SYT2: variants seen among roughly 807,000 people sequenced by gnomAD.
SYT2 encodes synaptotagmin 2, also known as synaptotagmin-2.
Under a neutral mutation model 39.9 loss-of-function variants are expected in SYT2, and 15 were observed. The observed-to-expected ratio is 0.38, with a 90% CI of 0.25 to 0.58. The LOEUF (loss-of-function observed/expected upper bound fraction) is 0.58, where lower values mean the gene tolerates loss of function less well. Among genes scored for constraint, SYT2 ranks in the 20% least tolerant of loss-of-function variants. The pLI is 0.70. For missense variants in SYT2, 389 were observed against 530.3 expected (o/e 0.73, Z 2.62); for synonymous variants, 181 against 204.5 (o/e 0.89, Z 0.98).
rs766294407 is a variant in SYT2 at position 202,614,359 on chromosome 1, G to A, written c.-17-8570C>T. Among the ~76,000 whole-genome samples the A allele has an allele frequency of 1.8e-4, 28 of 152,136 alleles. No homozygotes were observed. Among genetic ancestry groups the A allele is most frequent in the Non-Finnish European group, 4.4e-5 (3 of 68,026 alleles). The stretch of plus-strand genomic sequence containing the variant: ...GGGGTTTGTGAAGTTAGCTCCATGG[G>A]GAGTGGAGCAGGGAGGTTGGTTCCA... On this transcript the variant is annotated intron_variant, in intron 1 of 8. Transcript: ENST00000367268. This position sits in a 1 kb window ranked among gnomAD's most constrained non-coding sequence, Gnocchi z 4.0.
At chr1:202,600,277 C>T in intron 7 of SYT2, 80 bp downstream of exon 7, 1 of 1,189,180 alleles carries the variant, frequency 8.4e-7, no homozygotes, top group South Asian at 1.3e-5. Context: ...TTCCTCTTCA[C>T]TGGAGTGTGC....
intron 1 of SYT2, among the ~76,000 whole-genome samples, chr1:202,667,780 T>C (rs1298065822): frequency 6.6e-6 from 1 of 152,168 alleles, no homozygotes; most frequent in Admixed American, 6.5e-5. Flanking sequence ...TGGCATGATC[T>C]TGGCTCATTG....
intron 1 of SYT2, among the ~76,000 whole-genome samples, chr1:202,660,557 T>G (rs144372944): frequency 6.6e-6 from 1 of 152,238 alleles, no homozygotes; most frequent in Non-Finnish European, 1.5e-5. Flanking sequence ...CCAGAGATTT[T>G]GATTCAGCAA....
At chr1:202,626,672 A>G (rs955925811) in intron 1 of SYT2, among the ~76,000 whole-genome samples, 26 of 151,990 alleles carry the variant, frequency 1.7e-4, no homozygotes, top group African/African-American at 6.3e-4. Flanking sequence ...CAGCCTAGAT[A>G]GCCTCTCAGC....
At position 202,601,903 on chromosome 1, in the gene SYT2, C is replaced by G; in HGVS notation, c.788G>C (p.Gly263Ala). 1 of 1,613,914 alleles carries G rather than the reference C, an allele frequency of 6.2e-7. No individual in the cohort carries two copies. The highest frequency in any genetic ancestry group is 8.5e-7 in the Non-Finnish European group (1 of 1,179,918). ...PIEEWRDLQG[G>A]EKEEPEKLGD... ...CTCTGCTCTTACCTCCTCCTTTTCC[C>G]CGCCTTGCAGGTCTCTCCACTCCTC... Residue 263 changes from glycine (G) to alanine (A), a missense_variant, in exon 6 of 9, where the codon GGG becomes GCG. Gly to Ala is a moderately conservative substitution (Grantham distance 60). Around this residue, in one of 4 missense-constraint regions of SYT2, gnomAD observed 280 missense variants for 335.6 expected, o/e 0.83. Transcript: ENST00000367268. This position sits in a 1 kb window ranked among gnomAD's most constrained non-coding sequence, Gnocchi z 4.0.
chr1:202,613,068 CTTTTTTTTTTTTTT>C (rs146069389), intron 1 of SYT2, among the ~76,000 whole-genome samples: 8 of 75,114 alleles, frequency 1.1e-4, no homozygotes, highest in African/African-American at 1.8e-4. Context: ...TTGGTTCTTC[CTTTTTTTTTTTTTT>C]TTTTTTTTTT....
rs1690410094 is a variant in SYT2, at chr1:202,599,217, C to A, written c.1053+1G>T. ...TGCCTAGGAACCCAGGGCTCCAGCACCTGAATCTGCTCGAAGGGGATCTCA... is the reference window on the plus strand; with the variant it reads ...TGCCTAGGAACCCAGGGCTCCAGCAACTGAATCTGCTCGAAGGGGATCTCA... On this transcript the variant is annotated splice_donor_variant, in intron 8 of 8. Coordinates refer to ENST00000367268, the MANE Select transcript of SYT2 (RefSeq NM_177402.5). LOFTEE classifies it high-confidence loss of function. The surrounding 1 kb of genome is among the most constrained non-coding windows in gnomAD (Gnocchi z 4.4). 1 of 1,613,378 alleles carries A rather than the reference C, an allele frequency of 6.2e-7. No homozygotes were observed. Among genetic ancestry groups the A allele is most frequent in the Non-Finnish European group, 8.5e-7 (1 of 1,179,692 alleles).
chr1:202,668,132 GC>G (rs1198722001), intron 1 of SYT2, among the ~76,000 whole-genome samples: 2 of 152,264 alleles, frequency 1.3e-5, no homozygotes, highest in East Asian at 3.9e-4. Context: ...AAGATCTATA[GC>G]CCCCCAGAGT....
chr1:202,612,586 C>T (rs199797211), intron 1 of SYT2, among the ~76,000 whole-genome samples: 1 of 152,282 alleles, frequency 6.6e-6, no homozygotes, highest in African/African-American at 2.4e-5. Context: ...AGGCTGGTCT[C>T]GAACTCCTGG....
intron 1 of SYT2, among the ~76,000 whole-genome samples, chr1:202,673,111 A>G (rs949463959): frequency 2.0e-5 from 3 of 152,170 alleles, no homozygotes; most frequent in African/African-American, 4.8e-5. Flanking sequence ...GGATGGTGTT[A>G]TAAGAAAATC....
chr1:202,620,371 C>T (rs1423849377), intron 1 of SYT2, among the ~76,000 whole-genome samples: 1 of 152,152 alleles, frequency 6.6e-6, no homozygotes, highest in Non-Finnish European at 1.5e-5. Context: ...CTGCCTCTGG[C>T]CCCCTTTGCT....
At chr1:202,604,662 C>G (rs1415788448) in intron 2 of SYT2, 41 bp from the exon 3 acceptor site, 11 of 1,592,830 alleles carry the variant, frequency 6.9e-6, no homozygotes, top group South Asian at 5.6e-5. Context: ...CAGTGCCATG[C>G]CTTGCAGCCC....
intron 1 of SYT2, among the ~76,000 whole-genome samples, chr1:202,639,144 T>G (rs1691830838): frequency 6.6e-6 from 1 of 152,130 alleles, no homozygotes; most frequent in Non-Finnish European, 1.5e-5. Context: ...GGCCTGGGAA[T>G]TCAAGTGTCT....
At chr1:202,629,596 A>G (rs1282340502) in intron 1 of SYT2, among the ~76,000 whole-genome samples, 1 of 152,150 alleles carries the variant, frequency 6.6e-6, no homozygotes, top group Non-Finnish European at 1.5e-5. Context: ...CAGACTCCCC[A>G]AGGGTGTCCC....
chr1:202,617,391 T>C (rs1691075342), intron 1 of SYT2, among the ~76,000 whole-genome samples: 1 of 151,824 alleles, frequency 6.6e-6, no homozygotes. Flanking sequence ...CTCCCTCGCC[T>C]CTTCCTCCTG....
In SYT2 at chr1:202,596,499, G is replaced by C. The variant is rs1023560058; in HGVS notation, c.*258C>G. 5.0e-6 allele frequency: 2 copies of C among 399,312 alleles called. No individual in the cohort carries two copies. The highest frequency in any genetic ancestry group is 9.0e-6 in the Non-Finnish European group (2 of 222,028). 24.7% of individuals were successfully genotyped at this position (399,312 alleles called of 1,614,324 possible). A position where few individuals can be genotyped will look rare whatever the true frequency, so the allele number is the denominator to read the frequency against. On this transcript the variant is annotated 3_prime_UTR_variant, in exon 9 of 9. Transcript: ENST00000367268. ...AAGCTTTGAAAGAGTCGAGGGAACT[G>C]TGACAGGGCATGCAGCAAGGACAGC...
intron 1 of SYT2, among the ~76,000 whole-genome samples, chr1:202,700,744 C>T (rs1269283261): frequency 1.3e-5 from 2 of 152,062 alleles, no homozygotes; most frequent in Admixed American, 6.6e-5. Flanking sequence ...CTTCGGTGTT[C>T]GGTCTGTCTG....
Position 202,601,986 on chromosome 1 carries a change from A to G in SYT2, c.705T>C (p.His235=). The change falls in exon 6 of 9, where the codon CAT becomes CAC. Residue 235 remains histidine, a synonymous_variant. Transcript: ENST00000367268. This position sits in a 1 kb window ranked among gnomAD's most constrained non-coding sequence, Gnocchi z 4.0. ...GCACCTTTACCTCTCCAATGATGTC[A>G]TGTTTGGAGAAGCGGTCAAAGTCAT... is the stretch of plus-strand genomic sequence containing the variant. ...AIYDFDRFSK[H]DIIGEVKVPM... is the part of the protein sequence containing the mutation. The G allele has an allele frequency of 6.2e-7, 1 of 1,614,112 alleles. No homozygotes were observed. Among genetic ancestry groups the G allele is most frequent in the Non-Finnish European group, 8.5e-7 (1 of 1,180,024 alleles).
intron 1 of SYT2, among the ~76,000 whole-genome samples, chr1:202,668,539 T>C (rs1046390607): frequency 1.3e-5 from 2 of 152,184 alleles, no homozygotes; most frequent in Non-Finnish European, 1.5e-5. Flanking sequence ...AAATCCTTTA[T>C]TTGGGGAAGA....
Sources: gnomAD v4.1 joint callset for allele counts (sites outside exome capture counted in the v4.1 genomes callset) on GRCh38, gnomAD v4.1.1 for gene constraint, gnomAD v4.1.1 regional missense constraint, Gnocchi (gnomAD v3.1) non-coding constraint, MANE v1.5 for transcripts, NCBI Gene and HGNC (gene_info 2026-07-23, HGNC 2026-07-21) for gene names.